Variants in GPC5 observed in about 807,000 individuals in gnomAD.
The protein encoded by GPC5 is glypican-5.
Under a neutral mutation model 53.9 loss-of-function variants are expected in GPC5, and 47 were observed. That is an observed-to-expected ratio of 0.87 (90% CI 0.69 to 1.11). The LOEUF is 1.11. Ranked by LOEUF, GPC5 falls within the 50% of genes most tolerant of loss-of-function variation. The pLI, the probability that GPC5 is intolerant of heterozygous loss-of-function variation, is 0.00. For synonymous variants in GPC5, 286 were observed against 263.3 expected (o/e 1.09, Z -0.84); for missense variants, 748 against 713.1 (o/e 1.05, Z -0.56).
intron 2 of GPC5, among the ~76,000 whole-genome samples, chr13:91,504,035 A>C (rs924776087): frequency 6.6e-6 from 1 of 152,050 alleles, no homozygotes; most frequent in South Asian, 2.1e-4. Flanking sequence ...ATGTTATGAA[A>C]TCTATTGATA....
intron 2 of GPC5, among the ~76,000 whole-genome samples, chr13:91,665,505 C>CTTTTTTTTTTTTTTTTTT (rs371605806): frequency 6.8e-6 from 1 of 146,132 alleles, no homozygotes; most frequent in African/African-American, 2.6e-5. Flanking sequence ...AAAAGCCAGT[C>CTTTTTTTTTTTTTTTTTT]TTTTTTTTTT....
At chr13:92,800,012 A>G (rs1291999037) in intron 7 of GPC5, among the ~76,000 whole-genome samples, 2 of 151,820 alleles carry the variant, frequency 1.3e-5, no homozygotes, top group Non-Finnish European at 2.9e-5. Flanking sequence ...GAGAGATAGT[A>G]ATAGCCCTAG....
chr13:92,265,112 T>A (rs2042794569), intron 7 of GPC5, among the ~76,000 whole-genome samples: 1 of 152,082 alleles, frequency 6.6e-6, no homozygotes. Flanking sequence ...TCTTAATGAA[T>A]AGAACATGAC....
chr13:91,823,454 C>A (rs1362889772), intron 5 of GPC5, among the ~76,000 whole-genome samples: 1 of 151,936 alleles, frequency 6.6e-6, no homozygotes, highest in African/African-American at 2.4e-5. Context: ...AGTAAAATTA[C>A]CAAAGAGTAT....
intron 6 of GPC5, among the ~76,000 whole-genome samples, chr13:92,107,728 T>A (rs183956682): frequency 7.2e-4 from 109 of 152,282 alleles, no homozygotes; most frequent in African/African-American, 2.6e-3. Flanking sequence ...ATGTGAGCAT[T>A]AAAGCTTAGA....
intron 2 of GPC5, among the ~76,000 whole-genome samples, chr13:91,586,613 T>C (rs2032605670): frequency 7.7e-6 from 1 of 130,682 alleles, no homozygotes; most frequent in Non-Finnish European, 1.6e-5. Flanking sequence ...GCTACATTTT[T>C]AAACCATCAG....
chr13:92,164,221 C>G (rs1285572310), intron 7 of GPC5, among the ~76,000 whole-genome samples: 1 of 152,068 alleles, frequency 6.6e-6, no homozygotes, highest in East Asian at 1.9e-4. Flanking sequence ...TTCCAGCAGT[C>G]CCCCAACATC....
chr13:92,557,676 C>T (rs1325374564), intron 7 of GPC5, among the ~76,000 whole-genome samples: 1 of 151,892 alleles, frequency 6.6e-6, no homozygotes, highest in Non-Finnish European at 1.5e-5. Context: ...AGACAAGTAC[C>T]ATATAAGGGG....
chr13:91,711,923 G>C (rs2036235085), intron 3 of GPC5, among the ~76,000 whole-genome samples: 1 of 152,090 alleles, frequency 6.6e-6, no homozygotes, highest in Non-Finnish European at 1.5e-5. Context: ...ATCCTCAGAT[G>C]GGTCCCCCAC....
At chr13:92,857,643 CA>C (rs1879045668) in intron 7 of GPC5, among the ~76,000 whole-genome samples, 1 of 151,940 alleles carries the variant, frequency 6.6e-6, no homozygotes, top group South Asian at 2.1e-4. Context: ...ATAACCTCAT[CA>C]AAAAGTGGGC....
At chr13:92,822,128 T>C (rs531521845) in intron 7 of GPC5, among the ~76,000 whole-genome samples, 1 of 152,224 alleles carries the variant, frequency 6.6e-6, no homozygotes, top group South Asian at 2.1e-4. Context: ...TTACCTCAAA[T>C]AATTATTACA....
rs1188571441 is a variant in GPC5 at position 92,166,942 on chromosome 13, TCTCTCTCTCTCTCTCACACACACACA to T, written c.1561+21955_1561+21980del. Among the ~76,000 whole-genome samples the T allele has an allele frequency of 1.4e-4, 15 of 110,502 alleles. No individual in the cohort carries two copies. In the East Asian group the frequency reaches 1.5e-3, roughly 11 times the overall value. The allele number at this position is 110,502 out of a possible 152,430, so 72.5% of individuals were successfully genotyped here. ...CTCAGTCTCTCTCTCTCTCTCTCTC[TCTCTCTCTCTCTCTCACACACACACA>T]CACACACACACACACACACACACAC... is the stretch of plus-strand genomic sequence containing the variant. On this transcript the variant is annotated intron_variant, in intron 7 of 7. Transcript: ENST00000377067.
intron 2 of GPC5, among the ~76,000 whole-genome samples, chr13:91,480,505 C>T (rs1883242374): frequency 6.6e-6 from 1 of 152,180 alleles, no homozygotes; most frequent in South Asian, 2.1e-4. Context: ...GCGTGACTAT[C>T]CATTACTTAC....
At chr13:91,600,863 T>C (rs1203401077) in intron 2 of GPC5, among the ~76,000 whole-genome samples, 2 of 152,192 alleles carry the variant, frequency 1.3e-5, no homozygotes, top group Non-Finnish European at 2.9e-5. Context: ...AAGATGTATA[T>C]ACCTTTGGCA....
chr13:92,842,841 T>A (rs1566441648), intron 7 of GPC5, among the ~76,000 whole-genome samples: 1 of 151,952 alleles, frequency 6.6e-6, no homozygotes, highest in Non-Finnish European at 1.5e-5. Flanking sequence ...ATTGTCAAAA[T>A]AAAAATGTTT....
intron 2 of GPC5, among the ~76,000 whole-genome samples, chr13:91,637,131 G>A (rs1344949605): frequency 1.3e-5 from 2 of 152,092 alleles, no homozygotes; most frequent in Non-Finnish European, 2.9e-5. Flanking sequence ...GAAAGGTTGA[G>A]GTCTGTACAG....
chr13:92,161,788 T>C (rs2041989610), intron 7 of GPC5, among the ~76,000 whole-genome samples: 1 of 151,480 alleles, frequency 6.6e-6, no homozygotes, highest in Non-Finnish European at 1.5e-5. Context: ...TCTAGATTAA[T>C]ATACAATGTC....
At chr13:91,570,192 GA>G (rs1438519282) in intron 2 of GPC5, among the ~76,000 whole-genome samples, 1 of 152,104 alleles carries the variant, frequency 6.6e-6, no homozygotes, top group African/African-American at 2.4e-5. Context: ...ATAGACATCA[GA>G]AAGTTAATGT....
chr13:92,587,026 T>C (rs1883560051), intron 7 of GPC5, among the ~76,000 whole-genome samples: 1 of 152,122 alleles, frequency 6.6e-6, no homozygotes, highest in Non-Finnish European at 1.5e-5. Context: ...TAATGAGCTA[T>C]TTTCTTCTTG....
Sources: allele counts gnomAD v4.1 joint callset (sites outside exome capture counted in the v4.1 genomes callset), GRCh38; gene constraint gnomAD v4.1.1; transcripts MANE v1.5; gene names NCBI Gene and HGNC (gene_info 2026-07-23, HGNC 2026-07-21).